The following DPH6 variants were observed in gnomAD, a reference collection of about 807,000 sequenced individuals.
DPH6 encodes diphthamine biosynthesis 6, also known as diphthine--ammonia ligase.
In DPH6, 33 loss-of-function variants were observed where a neutral mutation model predicts 38.2. That is an observed-to-expected ratio of 0.86 (90% CI 0.65 to 1.15). The LOEUF is 1.15. DPH6 is among the 50% of genes most tolerant of loss of function. The pLI is 0.00. For missense variants in DPH6, 325 were observed against 320.0 expected, an observed-to-expected ratio of 1.02 and a Z score of -0.12; for synonymous variants, 108 against 103.0, an observed-to-expected ratio of 1.05 and a Z score of -0.30.
At chr15:35,534,701 T>C (rs1044288680) in intron 3 of DPH6, among the ~76,000 whole-genome samples, 1 of 152,106 alleles carries the variant, frequency 6.6e-6, no homozygotes, top group Non-Finnish European at 1.5e-5. Context: ...CATATGTGAC[T>C]AGTGAGAGTG....
chr15:35,516,131 T>C (rs372366332), intron 3 of DPH6, among the ~76,000 whole-genome samples: 145 of 152,228 alleles, frequency 9.5e-4, no homozygotes, highest in African/African-American at 3.3e-3. Flanking sequence ...AGCTGATACA[T>C]TAAGTACTAA....
Position 35,403,614 on chromosome 15 carries a change from G to T in DPH6, c.567+7221C>A, listed in dbSNP as rs554652140. On this transcript the variant is annotated intron_variant, in intron 6 of 8. Transcript: ENST00000256538. ...CAGCCTCGACTTCCTGGACTCAGGT[G>T]ATCCTCACACCTCAGCCTCCTAAGT... Among the ~76,000 whole-genome samples, 8 of 152,064 alleles carry T rather than the reference G, an allele frequency of 5.3e-5. No individual in the cohort carries two copies. The South Asian group carries it at 1.3e-3, about 24-fold the overall frequency.
rs569413090 is a variant in DPH6, at chr15:35,335,713, T to C, written n.208-4636A>G. On this transcript the variant is annotated intron_variant and non_coding_transcript_variant, in intron 3 of 3. Transcript: ENST00000558973. ...GATTGTATGTGTGCAGACTTATTTC[T>C]GAGTTCTCTGTTCGATTCCATTGGT... Among the ~76,000 whole-genome samples, 259 of 152,336 alleles carry C rather than the reference T, an allele frequency of 1.7e-3. 1 individual carries two copies. Among genetic ancestry groups the C allele is most frequent in the African/African-American group, 6.1e-3 (253 of 41,582 alleles).
chr15:35,450,684 C>A lies in DPH6; in HGVS notation c.505+1G>T, dbSNP rs755677220. 1.2e-6 allele frequency: 2 copies of A among 1,611,276 alleles called. No individual in the cohort carries two copies. The highest frequency in any genetic ancestry group is 1.7e-6 in the Non-Finnish European group (2 of 1,178,200). The stretch of plus-strand genomic sequence containing the variant: ...GCTCCCTTGATAGTTTGGCTGCATA[C>A]CCAAAGCTGCTACTTTGATGATCAT... On this transcript the variant is annotated splice_donor_variant, in intron 5 of 8. Transcript: ENST00000256538. LOFTEE classifies it high-confidence loss of function.
chr15:35,328,794 C>A (rs1237163120), downstream of DPH6, among the ~76,000 whole-genome samples: 1 of 152,048 alleles, frequency 6.6e-6, no homozygotes, highest in Non-Finnish European at 1.5e-5. Context: ...GATAAGTTGC[C>A]AGAGACTGGG....
In DPH6 at chr15:35,260,894, T is replaced by A. The variant is rs540343295; in HGVS notation, n.201-40312A>T. 1.6e-4 allele frequency among the ~76,000 whole-genome samples: 25 copies of A among 152,322 alleles called. 1 individual carries two copies. The highest frequency in any genetic ancestry group is 9.8e-4 in the Admixed American group (15 of 15,298). ...GATCTGTCTAGGATTCTGGAAAAAT[T>A]GTCACTTAGTGATATTCATTAATTT... On this transcript the variant is annotated intron_variant and non_coding_transcript_variant, in intron 3 of 3. Transcript: ENST00000560386.
At chr15:35,508,980 G>C (rs2054731925) in intron 3 of DPH6, among the ~76,000 whole-genome samples, 1 of 152,148 alleles carries the variant, frequency 6.6e-6, no homozygotes, top group Non-Finnish European at 1.5e-5. Context: ...CCCCATGTTA[G>C]AACTTTTAGG....
chr15:35,259,131 C>T, intron 3 of DPH6, among the ~76,000 whole-genome samples: 1 of 128,384 alleles, frequency 7.8e-6, no homozygotes, highest in East Asian at 2.2e-4. Context: ...GGGGACACAG[C>T]AAGACTCCGT....
At chr15:35,191,848 C>A in the DPH6 span, among the ~76,000 whole-genome samples, 1 of 152,178 alleles carries the variant, frequency 6.6e-6, no homozygotes, top group East Asian at 1.9e-4. Context: ...CCTTACCTCT[C>A]CCTAATTCCT....
rs549653037 is a variant in DPH6 at position 35,510,280 on chromosome 15, G to A, written c.312+27994C>T. Among the ~76,000 whole-genome samples the A allele has an allele frequency of 3.3e-5, 5 of 152,158 alleles. No individual in the cohort carries two copies. In the South Asian group the frequency reaches 6.2e-4, roughly 19 times the overall value. ...TTTGACTATTGTATTACAAATAATG[G>A]GCCAGCCTGCAGAACTTTGTCGTAT... On this transcript the variant is annotated intron_variant, in intron 3 of 8. Coordinates refer to ENST00000256538, the MANE Select transcript of DPH6 (RefSeq NM_080650.4).
At chr15:35,197,163 C>T in the DPH6 span, among the ~76,000 whole-genome samples, 16 of 152,120 alleles carry the variant, frequency 1.1e-4, no homozygotes, top group Admixed American at 7.2e-4. Context: ...ACCAAAAACT[C>T]GTATGACTGG....
chr15:35,262,586 G>T (rs1338348762), intron 3 of DPH6, among the ~76,000 whole-genome samples: 1 of 151,742 alleles, frequency 6.6e-6, no homozygotes, highest in Non-Finnish European at 1.5e-5. Context: ...GGCGCCTGTA[G>T]TCCCAGCTAC....
At chr15:35,237,377 G>T in intron 3 of DPH6, 3 of 1,602,600 alleles carry the variant, frequency 1.9e-6, no homozygotes, top group Non-Finnish European at 2.6e-6. Context: ...GACGCCCTCT[G>T]ATGTGAAAGA....
chr15:35,438,662 A>T (rs2053747588), intron 5 of DPH6, among the ~76,000 whole-genome samples: 1 of 152,146 alleles, frequency 6.6e-6, no homozygotes, highest in South Asian at 2.1e-4. Flanking sequence ...GTTGTGTGTG[A>T]TGTCTACAAA....
At chr15:35,176,558 G>C in the DPH6 span, among the ~76,000 whole-genome samples, 2 of 151,086 alleles carry the variant, frequency 1.3e-5, no homozygotes, top group Non-Finnish European at 2.9e-5. Context: ...CACAACCTCC[G>C]CCTCCAGGTT....
chr15:35,340,322 T>G lies in DPH6; in HGVS notation n.208-9245A>C, dbSNP rs543646755. ...AGACAGCACATTGATGGGTCTTGGC[T>G]GTTTGTCCAACTTGCCATTCTGTGT... On this transcript the variant is annotated intron_variant and non_coding_transcript_variant, in intron 3 of 3. Coordinates refer to the DPH6 transcript ENST00000558973. Among the ~76,000 whole-genome samples, 3 of 152,326 alleles carry G rather than the reference T, an allele frequency of 2.0e-5. No individual in the cohort carries two copies. In the East Asian group the frequency reaches 5.8e-4, roughly 29 times the overall value.
At chr15:35,201,134 TATTTA>T in the DPH6 span, among the ~76,000 whole-genome samples, 3 of 151,768 alleles carry the variant, frequency 2.0e-5, no homozygotes, top group Admixed American at 6.6e-5. Flanking sequence ...TGAGTATTTA[TATTTA>T]ATTTAAAATT....
intron 3 of DPH6, among the ~76,000 whole-genome samples, chr15:35,284,963 C>T (rs999123968): frequency 1.3e-5 from 2 of 151,842 alleles, no homozygotes; most frequent in Non-Finnish European, 2.9e-5. Flanking sequence ...TAGGTGCACA[C>T]CATGCTCAGC....
chr15:35,282,623 A>G, intron 3 of DPH6: 1 of 406,670 alleles, frequency 2.5e-6, no homozygotes, highest in South Asian at 2.0e-5. Flanking sequence ...CTGGGAGCAG[A>G]TTGGATCCAG....
Sources: gnomAD v4.1 joint callset for allele counts (sites outside exome capture counted in the v4.1 genomes callset) on GRCh38, gnomAD v4.1.1 for gene constraint, MANE v1.5 for transcripts, NCBI Gene and HGNC (gene_info 2026-07-23, HGNC 2026-07-21) for gene names.